TRDN: variants seen among roughly 807,000 people sequenced by gnomAD.
The protein encoded by TRDN is triadin in skeletal muscle.
In TRDN, 161 loss-of-function variants were observed where a neutral mutation model predicts 149.7. The observed-to-expected ratio is 1.08, with a 90% confidence interval of 0.95 to 1.23. The LOEUF is 1.23. Among genes scored for constraint, TRDN ranks in the 50% most tolerant of loss-of-function variants. TRDN has a pLI of 0.00. For synonymous variants in TRDN, 294 were observed against 250.5 expected, an observed-to-expected ratio of 1.17 and a Z score of -1.64; for missense variants, 896 against 823.5, an observed-to-expected ratio of 1.09 and a Z score of -1.08.
chr6:123,491,104 C>CAAA (rs5879684), intron 9 of TRDN, among the ~76,000 whole-genome samples: 20 of 117,522 alleles, frequency 1.7e-4, no homozygotes, highest in African/African-American at 7.0e-4. Flanking sequence ...GACTACATCT[C>CAAA]AAAAAAAAAA....
chr6:123,630,638 T>G (rs1785940634), intron 1 of TRDN, among the ~76,000 whole-genome samples: 1 of 151,898 alleles, frequency 6.6e-6, no homozygotes. Flanking sequence ...AAACGGAACA[T>G]TTTCATGGAT....
At chr6:123,415,183 G>A (rs2114524400) in intron 12 of TRDN, among the ~76,000 whole-genome samples, 1 of 152,304 alleles carries the variant, frequency 6.6e-6, no homozygotes, top group South Asian at 2.1e-4. Flanking sequence ...AATGCTTATT[G>A]AGTGATCAGG....
intron 33 of TRDN, among the ~76,000 whole-genome samples, chr6:123,265,071 C>T (rs1013794306): frequency 6.6e-6 from 1 of 151,928 alleles, no homozygotes; most frequent in Admixed American, 6.6e-5. Context: ...CTAAACATCT[C>T]TTCATGTGCT....
At chr6:123,484,867 A>T (rs1393558387) in intron 9 of TRDN, among the ~76,000 whole-genome samples, 2 of 152,214 alleles carry the variant, frequency 1.3e-5, no homozygotes, top group Non-Finnish European at 1.5e-5. Flanking sequence ...TATTAAGGGC[A>T]AAGTAGTCTT....
chr6:123,393,828 G>T, intron 12 of TRDN, 151 bp from the exon 13 acceptor site: 1 of 638,322 alleles, frequency 1.6e-6, no homozygotes, highest in Non-Finnish European at 2.7e-6. Context: ...CTTATTAGAG[G>T]AATTGCTGAG....
intron 1 of TRDN, among the ~76,000 whole-genome samples, chr6:123,617,862 C>G (rs1785180650): frequency 1.3e-5 from 2 of 151,994 alleles, no homozygotes; most frequent in Admixed American, 6.6e-5. Flanking sequence ...CCTCAGCCTC[C>G]AAGTAGCTGG....
At chr6:123,462,959 A>C (rs1347711413) in intron 10 of TRDN, 1 of 152,194 alleles carries the variant, frequency 6.6e-6, no homozygotes, top group Non-Finnish European at 1.5e-5. Context: ...CAGAGAAGAC[A>C]CTGACAAAGG....
chr6:123,265,217 CA>C, intron 33 of TRDN, 100 bp downstream of exon 33: 1 of 927,268 alleles, frequency 1.1e-6, no homozygotes, highest in Admixed American at 3.7e-5. Context: ...ATTACATTAA[CA>C]AACAGACCAT....
At chr6:123,588,895 A>G (rs1012677003) in intron 1 of TRDN, among the ~76,000 whole-genome samples, 1 of 152,178 alleles carries the variant, frequency 6.6e-6, no homozygotes, top group Non-Finnish European at 1.5e-5. Context: ...AATATCTTTC[A>G]TGTTAAAATA....
intron 26 of TRDN, among the ~76,000 whole-genome samples, chr6:123,275,885 A>G (rs1422574524): frequency 2.6e-5 from 4 of 152,178 alleles, no homozygotes; most frequent in Non-Finnish European, 4.4e-5. Context: ...TGGGTAATTT[A>G]CATAGAACAG....
At chr6:123,469,607 T>A (rs1392238176) in intron 9 of TRDN, 1 of 152,326 alleles carries the variant, frequency 6.6e-6, no homozygotes, top group African/African-American at 2.4e-5. Context: ...ATGTCACCAC[T>A]GTACTTTGCG....
intron 9 of TRDN, among the ~76,000 whole-genome samples, chr6:123,489,856 G>A (rs190110838): frequency 2.4e-4 from 36 of 151,720 alleles, no homozygotes; most frequent in Admixed American, 2.0e-3. Flanking sequence ...CATTCAAGAA[G>A]ATATAAAAGA....
chr6:123,253,309 G>A lies in TRDN; in HGVS notation c.1952-874C>T, dbSNP rs566565185. The stretch of plus-strand genomic sequence containing the variant: ...TTCTAACATTAGTCTCATTTAAAGA[G>A]CCAGACTAGAAAATATGATTTTTAA... On this transcript the variant is annotated intron_variant, in intron 37 of 40. Transcript: ENST00000334268. Among the ~76,000 whole-genome samples the A allele has an allele frequency of 2.6e-5, 4 of 152,062 alleles. No homozygotes were observed. The South Asian group carries it at 6.2e-4, about 24-fold the overall frequency.
chr6:123,522,517 C>CTTTT (rs375665403), intron 5 of TRDN, among the ~76,000 whole-genome samples: 4 of 87,196 alleles, frequency 4.6e-5, no homozygotes, highest in African/African-American at 9.8e-5. Flanking sequence ...TGCGGTTCCT[C>CTTTT]TTTTTTTTTT....
intron 23 of TRDN, among the ~76,000 whole-genome samples, chr6:123,319,930 G>A (rs1206550740): frequency 6.6e-6 from 1 of 152,068 alleles, no homozygotes. Flanking sequence ...AGTAGAATAA[G>A]CAGACCAAAA....
chr6:123,467,285 G>A lies in TRDN; in HGVS notation c.854-2302C>T, dbSNP rs180951218. On this transcript the variant is annotated intron_variant, in intron 9 of 40. Coordinates refer to ENST00000334268, the MANE Select transcript of TRDN (RefSeq NM_006073.4). ...CCAGGTAAGGAAGGATGGGGAAGAC[G>A]GAGGGATTCCAGGTGGAAGGTATGT... Among the ~76,000 whole-genome samples, 27 of 151,086 alleles carry A rather than the reference G, an allele frequency of 1.8e-4. No individual in the cohort carries two copies. The East Asian group carries it at 2.3e-3, about 13-fold the overall frequency.
intron 4 of TRDN, among the ~76,000 whole-genome samples, chr6:123,543,898 A>G (rs975034023): frequency 6.6e-6 from 1 of 151,738 alleles, no homozygotes; most frequent in Admixed American, 6.6e-5. Context: ...TCTCACGAAA[A>G]TTTTACCCAA....
At chr6:123,435,188 T>C (rs9490751) in intron 12 of TRDN, among the ~76,000 whole-genome samples, 21,963 of 151,280 alleles carry the variant, frequency 0.15, 2,203 homozygotes, top group African/African-American at 0.29. Flanking sequence ...ATAACACTCA[T>C]ATATTAAATA....
intron 1 of TRDN, among the ~76,000 whole-genome samples, chr6:123,579,161 G>T (rs1160544158): frequency 6.6e-6 from 1 of 151,934 alleles, no homozygotes; most frequent in Admixed American, 6.6e-5. Flanking sequence ...TGCCTGGACA[G>T]GATTACCAAT....
Sources: allele counts gnomAD v4.1 joint callset (sites outside exome capture counted in the v4.1 genomes callset), GRCh38; gene constraint gnomAD v4.1.1; transcripts MANE v1.5; gene names NCBI Gene and HGNC (gene_info 2026-07-23, HGNC 2026-07-21).